ZNF280D: variants seen among roughly 807,000 people sequenced by gnomAD.
ZNF280D encodes the protein suppressor of hairy wing homolog 4.
In ZNF280D, 39 loss-of-function variants were observed where a neutral mutation model predicts 94.7. That is an observed-to-expected ratio of 0.41 (90% CI 0.32 to 0.54). The LOEUF (loss-of-function observed/expected upper bound fraction) is 0.54. Among genes scored for constraint, ZNF280D ranks in the 20% least tolerant of loss-of-function variants. The probability of loss-of-function intolerance (pLI) is 0.22; values close to 1 mark genes in which losing one functional copy is unlikely to be tolerated. For synonymous variants in ZNF280D, 398 were observed against 377.6 expected (o/e 1.05, Z -0.63); for missense variants, 1,090 against 1,149.3 (o/e 0.95, Z 0.75).
chr15:56,708,603 A>C (rs2057557631), intron 1 of ZNF280D, among the ~76,000 whole-genome samples: 1 of 152,216 alleles, frequency 6.6e-6, no homozygotes, highest in African/African-American at 2.4e-5. Context: ...CCTGACTTCA[A>C]ACTATACTAC....
At chr15:56,706,105 T>C (rs918575110) in intron 3 of ZNF280D, among the ~76,000 whole-genome samples, 21 of 130,692 alleles carry the variant, frequency 1.6e-4, no homozygotes, top group Admixed American at 8.2e-4. Context: ...CCTAATCTAG[T>C]ATGACTGGTG....
intron 10 of ZNF280D, among the ~76,000 whole-genome samples, chr15:56,680,932 G>A (rs575041020): frequency 1.3e-5 from 2 of 152,300 alleles, no homozygotes; most frequent in Non-Finnish European, 2.9e-5. Flanking sequence ...ATTTCCCGAT[G>A]TTGGCATGAC....
chr15:56,712,764 G>T (rs1256397015), intron 1 of ZNF280D, among the ~76,000 whole-genome samples: 4 of 132,440 alleles, frequency 3.0e-5, no homozygotes, highest in Non-Finnish European at 4.8e-5. Context: ...TTTCTGAGGT[G>T]GAGTCTTGCT....
chr15:56,703,650 T>C (rs865919912), intron 4 of ZNF280D, among the ~76,000 whole-genome samples: 1 of 152,004 alleles, frequency 6.6e-6, no homozygotes, highest in Admixed American at 6.6e-5. Context: ...GCTCAGGAGT[T>C]CGAGAGCAGC....
chr15:56,694,025 T>C (rs765318824), intron 6 of ZNF280D, among the ~76,000 whole-genome samples: 4 of 152,000 alleles, frequency 2.6e-5, no homozygotes, highest in African/African-American at 4.8e-5. Context: ...ATGGGAATAA[T>C]TGGGGCCAGC....
intron 7 of ZNF280D, among the ~76,000 whole-genome samples, chr15:56,690,373 CTCTG>C (rs1176087068): frequency 6.6e-6 from 1 of 151,942 alleles, no homozygotes; most frequent in African/African-American, 2.4e-5. Flanking sequence ...CAGAGCAAGA[CTCTG>C]TCTCAAAAAA....
intron 9 of ZNF280D, chr15:56,688,828 C>T (rs184273076): frequency 1.6e-3 from 488 of 305,608 alleles, no homozygotes; most frequent in Middle Eastern, 3.0e-3. Context: ...ATACAATAAG[C>T]ATACATTATA....
chr15:56,706,505 C>T (rs538382), intron 3 of ZNF280D, among the ~76,000 whole-genome samples: 1 of 151,450 alleles, frequency 6.6e-6, no homozygotes, highest in African/African-American at 2.4e-5. Context: ...AAACAAAAAA[C>T]GAGAAGATGG....
chr15:56,723,942 A>G (rs780363805), intron 1 of ZNF280D, among the ~76,000 whole-genome samples: 1 of 152,166 alleles, frequency 6.6e-6, no homozygotes, highest in Non-Finnish European at 1.5e-5. Flanking sequence ...AACCCTTTAC[A>G]TTAGCCTGTG....
At chr15:56,710,956 A>T (rs2057729229) in intron 1 of ZNF280D, among the ~76,000 whole-genome samples, 1 of 152,252 alleles carries the variant, frequency 6.6e-6, no homozygotes, top group Admixed American at 6.5e-5. Flanking sequence ...ACCAAGTCAT[A>T]GTACCAGCAT....
intron 10 of ZNF280D, among the ~76,000 whole-genome samples, chr15:56,680,467 A>C (rs1272383420): frequency 6.6e-6 from 1 of 152,128 alleles, no homozygotes; most frequent in African/African-American, 2.4e-5. Flanking sequence ...CATAACCAAA[A>C]AAATGAATTT....
intron 19 of ZNF280D, among the ~76,000 whole-genome samples, chr15:56,650,234 G>C (rs2140638899): frequency 6.6e-6 from 1 of 152,138 alleles, no homozygotes; most frequent in Middle Eastern, 3.4e-3. Flanking sequence ...ATATGGGAAG[G>C]TTGTCTATAT....
intron 10 of ZNF280D, among the ~76,000 whole-genome samples, chr15:56,681,959 TA>T (rs1186679066): frequency 6.6e-6 from 1 of 152,018 alleles, no homozygotes; most frequent in Non-Finnish European, 1.5e-5. Context: ...AAATGTCTAA[TA>T]AAAATTCAAA....
chr15:56,678,621 C>A, intron 11 of ZNF280D, 43 bp downstream of exon 11: 1 of 1,407,412 alleles, frequency 7.1e-7, no homozygotes, highest in South Asian at 1.7e-5. Flanking sequence ...TTTATATTAG[C>A]GAAATCAATA....
intron 17 of ZNF280D, among the ~76,000 whole-genome samples, chr15:56,656,051 G>C (rs1280727055): frequency 6.6e-6 from 1 of 152,042 alleles, no homozygotes; most frequent in Non-Finnish European, 1.5e-5. Context: ...ATCACTACAA[G>C]AACTGTAATA....
chr15:56,632,813 T>TCC (rs1422244116), intron 21 of ZNF280D, among the ~76,000 whole-genome samples: 1 of 152,136 alleles, frequency 6.6e-6, no homozygotes, highest in Non-Finnish European at 1.5e-5. Context: ...AATAGCTTCT[T>TCC]ATGTTTAGAA....
At chr15:56,653,531 T>A in intron 19 of ZNF280D, 1 of 1,522,884 alleles carries the variant, frequency 6.6e-7, no homozygotes, top group South Asian at 1.2e-5. Flanking sequence ...ATCAGTTGTG[T>A]CCATCGAAGG....
At chr15:56,721,649 CT>C (rs1388096009) in intron 1 of ZNF280D, among the ~76,000 whole-genome samples, 27 of 152,296 alleles carry the variant, frequency 1.8e-4, no homozygotes, top group Middle Eastern at 3.4e-3. Flanking sequence ...TAGCTTCAAG[CT>C]TTTCTTCTGC....
At chr15:56,653,676 G>A (rs562165502) in intron 19 of ZNF280D, 21 of 1,335,388 alleles carry the variant, frequency 1.6e-5, no homozygotes, top group Middle Eastern at 1.9e-4. Context: ...AACTTAAGAC[G>A]TATAAGAAAT....
Sources: gnomAD v4.1 joint callset for allele counts (sites outside exome capture counted in the v4.1 genomes callset) on GRCh38, gnomAD v4.1.1 for gene constraint, MANE v1.5 for transcripts, NCBI Gene and HGNC (gene_info 2026-07-23, HGNC 2026-07-21) for gene names.